GTF2IRD1: variants seen among roughly 807,000 people sequenced by gnomAD.
The protein encoded by GTF2IRD1 is GTF2I repeat domain containing 1.
Under a neutral mutation model 113.2 loss-of-function variants are expected in GTF2IRD1, and 26 were observed. That is an observed-to-expected ratio of 0.23 (90% CI 0.17 to 0.32). The LOEUF is 0.32. GTF2IRD1 is among the 10% of genes least tolerant of loss of function. The pLI is 1.00. For synonymous variants in GTF2IRD1, 484 were observed against 529.1 expected (o/e 0.91, Z 1.17); for missense variants, 864 against 1,280.8 (o/e 0.67, Z 4.97).
intron 17 of GTF2IRD1, among the ~76,000 whole-genome samples, chr7:74,552,928 C>G (rs1554355459): frequency 6.6e-6 from 1 of 152,196 alleles, no homozygotes. Context: ...ACCTCCGCCT[C>G]CCGGGTTCCA....
At chr7:74,488,003 C>T (rs782460073) in intron 1 of GTF2IRD1, among the ~76,000 whole-genome samples, 1 of 152,078 alleles carries the variant, frequency 6.6e-6, no homozygotes, top group Non-Finnish European at 1.5e-5. Context: ...TAAAGTTAGC[C>T]GGGTGCAGTG....
At position 74,591,056 on chromosome 7, in the gene GTF2IRD1, G is replaced by A. The variant is rs587720636; in HGVS notation, c.2591+39G>A. 2.1e-5 allele frequency: 31 copies of A among 1,469,672 alleles called. No individual in the cohort carries two copies. In the Middle Eastern group the frequency reaches 7.2e-4, roughly 34 times the overall value. The allele number at this position is 1,469,672 out of a possible 1,614,324, so 91.0% of individuals were successfully genotyped here. On this transcript the variant is annotated intron_variant, in intron 24 of 26. Coordinates refer to ENST00000424337, the MANE Select transcript of GTF2IRD1 (RefSeq NM_005685.4). ...CTCTGGAACGGGGAACAGAGAGGGCGAGGCCATGGGGAGGGTGAAAGTCAA... is the reference window on the plus strand; with the variant it reads ...CTCTGGAACGGGGAACAGAGAGGGCAAGGCCATGGGGAGGGTGAAAGTCAA...
intron 1 of GTF2IRD1, among the ~76,000 whole-genome samples, chr7:74,484,617 G>A (rs1794919176): frequency 6.6e-6 from 1 of 151,774 alleles, no homozygotes; most frequent in African/African-American, 2.4e-5. Flanking sequence ...TGCCACCACA[G>A]CCAGCTAATT....
At chr7:74,524,048 T>G in intron 7 of GTF2IRD1, 23 bp from the exon 8 acceptor site, 1 of 1,569,486 alleles carries the variant, frequency 6.4e-7, no homozygotes, top group East Asian at 2.3e-5. Flanking sequence ...CCCTGCTCAC[T>G]TGTGCCTCCT....
chr7:74,550,430 A>AG lies in GTF2IRD1; in HGVS notation c.1916+3144_1916+3145insG, dbSNP rs1294956001. ...TGTGTGAAACCCCATCTCTAGGGAAAAAAAAAAATTAGCCAGGCTTGGTGG... is the reference window on the plus strand; with the variant it reads ...TGTGTGAAACCCCATCTCTAGGGAAAGAAAAAAAATTAGCCAGGCTTGGTGG... On this transcript the variant is annotated intron_variant, in intron 17 of 26. Transcript: ENST00000424337. Among the ~76,000 whole-genome samples the AG allele has an allele frequency of 2.0e-5, 3 of 151,170 alleles. No individual in the cohort carries two copies. The East Asian group carries it at 5.9e-4, about 30-fold the overall frequency.
intron 1 of GTF2IRD1, among the ~76,000 whole-genome samples, chr7:74,499,324 A>T (rs549991871): frequency 6.6e-6 from 1 of 152,058 alleles, no homozygotes; most frequent in Non-Finnish European, 1.5e-5. Context: ...CTTACCCAGT[A>T]TGACCTAGGC....
chr7:74,596,512 G>A (rs1554372365), intron 25 of GTF2IRD1, among the ~76,000 whole-genome samples: 4 of 150,976 alleles, frequency 2.6e-5, no homozygotes, highest in Non-Finnish European at 5.9e-5. Context: ...GCATGGTGGT[G>A]CACGCCTGCA....
intron 16 of GTF2IRD1, 22 bp downstream of exon 16, chr7:74,545,831 G>A (rs375385469): frequency 2.4e-5 from 38 of 1,589,056 alleles, no homozygotes; most frequent in Non-Finnish European, 3.1e-5. Flanking sequence ...GTGGGACAGG[G>A]TCTGGGGGCA....
At chr7:74,556,218 C>T (rs1269367198) in intron 19 of GTF2IRD1, among the ~76,000 whole-genome samples, 12 of 151,380 alleles carry the variant, frequency 7.9e-5, no homozygotes, top group Non-Finnish European at 1.2e-4. Flanking sequence ...TGCCACTGCA[C>T]TCCAGCCTGG....
rs1583975165 is a variant in GTF2IRD1, at chr7:74,591,034, T to C, written c.2591+17T>C. ...CCAGCTCCAGTGAGTGCCCGGCCTC[T>C]GGAACGGGGAACAGAGAGGGCGAGG... is the stretch of plus-strand genomic sequence containing the variant. On this transcript the variant is annotated intron_variant, in intron 24 of 26. Coordinates refer to ENST00000424337, the MANE Select transcript of GTF2IRD1 (RefSeq NM_005685.4). 2.5e-6 allele frequency: 4 copies of C among 1,588,646 alleles called. No individual in the cohort carries two copies. The highest frequency in any genetic ancestry group is 3.4e-6 in the Non-Finnish European group (4 of 1,160,514).
intron 22 of GTF2IRD1, among the ~76,000 whole-genome samples, chr7:74,583,713 T>C (rs1554366917): frequency 6.6e-6 from 1 of 152,158 alleles, no homozygotes; most frequent in African/African-American, 2.4e-5. Context: ...CACTCCTGGT[T>C]AGCTGCAGCC....
intron 22 of GTF2IRD1, among the ~76,000 whole-genome samples, chr7:74,564,263 G>A (rs1184571569): frequency 1.4e-4 from 21 of 152,276 alleles, no homozygotes; most frequent in African/African-American, 5.1e-4. Flanking sequence ...CTGACCTCAG[G>A]TGATCAGCCC....
At chr7:74,597,868 G>A (rs1448945044) in intron 25 of GTF2IRD1, among the ~76,000 whole-genome samples, 1 of 152,088 alleles carries the variant, frequency 6.6e-6, no homozygotes, top group Non-Finnish European at 1.5e-5. Context: ...CTGCTCAACA[G>A]GGACAGTGAT....
chr7:74,486,235 A>G (rs1240366222), intron 1 of GTF2IRD1, among the ~76,000 whole-genome samples: 4 of 152,206 alleles, frequency 2.6e-5, no homozygotes, highest in Admixed American at 6.5e-5. Context: ...CGTGGAGTCT[A>G]TTTCTGTTAG....
chr7:74,531,131 G>A (rs1226483422), intron 9 of GTF2IRD1, among the ~76,000 whole-genome samples: 8 of 152,022 alleles, frequency 5.3e-5, no homozygotes, highest in Non-Finnish European at 8.8e-5. Context: ...AGCACTTTGG[G>A]AGGCCAGGAT....
At chr7:74,470,723 A>G (rs1794029612) in intron 1 of GTF2IRD1, among the ~76,000 whole-genome samples, 1 of 152,160 alleles carries the variant, frequency 6.6e-6, no homozygotes, top group Non-Finnish European at 1.5e-5. Context: ...ATACCACACC[A>G]CCACGGGGAA....
At chr7:74,597,232 C>T (rs1158694844) in intron 25 of GTF2IRD1, among the ~76,000 whole-genome samples, 1 of 151,298 alleles carries the variant, frequency 6.6e-6, no homozygotes, top group Non-Finnish European at 1.5e-5. Context: ...TTAGTAGAGA[C>T]GGGGTTTCTC....
intron 1 of GTF2IRD1, among the ~76,000 whole-genome samples, chr7:74,470,612 A>G (rs1329376952): frequency 6.6e-6 from 1 of 152,242 alleles, no homozygotes; most frequent in African/African-American, 2.4e-5. Flanking sequence ...TAATTGCCCC[A>G]AACTGGAAAC....
chr7:74,530,050 C>T (rs1003170491), intron 9 of GTF2IRD1, 133 bp downstream of exon 9: 10 of 607,450 alleles, frequency 1.6e-5, no homozygotes, highest in Admixed American at 2.9e-5. Context: ...TCTCTATTAA[C>T]AATACAAAAA....
Sources: allele counts gnomAD v4.1 joint callset (sites outside exome capture counted in the v4.1 genomes callset), GRCh38; gene constraint gnomAD v4.1.1; transcripts MANE v1.5; gene names NCBI Gene and HGNC (gene_info 2026-07-23, HGNC 2026-07-21).